TTLL7: variants seen among roughly 807,000 people sequenced by gnomAD.
TTLL7 encodes tubulin polyglutamylase TTLL7.
TTLL7 carries 53 observed loss-of-function variants against 120.2 expected under a neutral mutation model. The observed-to-expected ratio is 0.44, with a 90% CI of 0.35 to 0.55. The LOEUF (loss-of-function observed/expected upper bound fraction) is 0.55, where lower values mean the gene tolerates loss of function less well. Among genes scored for constraint, TTLL7 ranks in the 20% least tolerant of loss-of-function variants. The probability of loss-of-function intolerance (pLI) is 0.00; values close to 1 mark genes in which losing one functional copy is unlikely to be tolerated. For missense variants in TTLL7, 803 were observed against 1,054.7 expected (o/e 0.76, Z 3.31); for synonymous variants, 353 against 351.7 (o/e 1.00, Z -0.04).
chr1:83,960,020 T>C (rs1268951958), intron 1 of TTLL7, among the ~76,000 whole-genome samples: 1 of 152,166 alleles, frequency 6.6e-6, no homozygotes, highest in Non-Finnish European at 1.5e-5. Context: ...AATAGGCAGT[T>C]CTACAGAGAG....
At chr1:83,997,414 T>C (rs1007318416) in intron 1 of TTLL7, among the ~76,000 whole-genome samples, 2 of 152,182 alleles carry the variant, frequency 1.3e-5, no homozygotes, top group Non-Finnish European at 2.9e-5. Context: ...AGAAGGAGCA[T>C]AGAAGGTCAA....
At chr1:83,892,449 TGAAC>T (rs1655664913) in intron 18 of TTLL7, among the ~76,000 whole-genome samples, 1 of 129,912 alleles carries the variant, frequency 7.7e-6, no homozygotes, top group Non-Finnish European at 1.6e-5. Context: ...AACATATGAA[TGAAC>T]ATATATGAAC....
At chr1:83,944,566 G>A (rs543702502) in intron 6 of TTLL7, among the ~76,000 whole-genome samples, 1 of 152,210 alleles carries the variant, frequency 6.6e-6, no homozygotes, top group East Asian at 1.9e-4. Flanking sequence ...AAGTTAGCCA[G>A]GCATGGTGGC....
chr1:83,920,176 CACAA>C (rs746843490), intron 12 of TTLL7, among the ~76,000 whole-genome samples: 1 of 151,964 alleles, frequency 6.6e-6, no homozygotes, highest in Non-Finnish European at 1.5e-5. Context: ...GGCACAAATC[CACAA>C]ACAAAGTTTA....
intron 18 of TTLL7, among the ~76,000 whole-genome samples, chr1:83,895,442 C>T (rs1196337449): frequency 6.6e-6 from 1 of 152,036 alleles, no homozygotes; most frequent in Non-Finnish European, 1.5e-5. Context: ...TACTATTGGT[C>T]CACAGTCCCT....
intron 1 of TTLL7, among the ~76,000 whole-genome samples, chr1:83,957,578 G>A (rs527427578): frequency 6.3e-4 from 96 of 152,168 alleles, no homozygotes; most frequent in African/African-American, 2.2e-3. Flanking sequence ...GAAAATGTAG[G>A]CTCCAAGGTT....
intron 1 of TTLL7, among the ~76,000 whole-genome samples, chr1:83,992,226 C>T (rs1400853820): frequency 6.6e-6 from 1 of 152,062 alleles, no homozygotes; most frequent in East Asian, 1.9e-4. Context: ...ACTGATCCCT[C>T]CCTTTCAAAT....
intron 6 of TTLL7, 93 bp downstream of exon 6, chr1:83,947,031 T>C (rs978189136): frequency 1.4e-5 from 14 of 983,338 alleles, no homozygotes; most frequent in African/African-American, 1.2e-4. Context: ...TTTTTTCATA[T>C]TGGTACTCAC....
intron 10 of TTLL7, among the ~76,000 whole-genome samples, chr1:83,922,435 G>C (rs10493741): frequency 0.49 from 74,978 of 151,904 alleles, 19,224 homozygotes; most frequent in Non-Finnish European, 0.57. Flanking sequence ...AATATGAGTC[G>C]AAGGCCCTAA....
intron 19 of TTLL7, among the ~76,000 whole-genome samples, chr1:83,884,705 G>A (rs1047121904): frequency 1.1e-4 from 14 of 128,584 alleles, no homozygotes; most frequent in African/African-American, 1.5e-4. Context: ...GGGGAACATC[G>A]CACTCTGGGG....
intron 18 of TTLL7, among the ~76,000 whole-genome samples, chr1:83,891,523 A>G (rs1279582777): frequency 2.0e-5 from 3 of 152,098 alleles, no homozygotes; most frequent in East Asian, 1.9e-4. Context: ...ATTATCTCCT[A>G]AAGTTGAAAA....
Position 83,911,205 on chromosome 1 carries a change from A to G in TTLL7, c.1746T>C (p.Asn582=), listed in dbSNP as rs1485809838. 1.2e-6 allele frequency: 2 copies of G among 1,613,016 alleles called. No homozygotes were observed. Among genetic ancestry groups the G allele is most frequent in the African/African-American group, 2.7e-5 (2 of 74,860 alleles). Residue 582 remains asparagine, a synonymous_variant, in exon 15 of 21, where the codon AAT becomes AAC. Coordinates refer to ENST00000260505, the MANE Select transcript of TTLL7 (RefSeq NM_024686.6). ...NKKREKQVTY[N]LKPSNHYKLI... ...ATTTGTAGTGGTTGGAGGGTTTAAG[A>G]TTATATGTAACTTGCTTTTCTCTTT...
chr1:83,983,551 T>G (rs1293567081), intron 1 of TTLL7, among the ~76,000 whole-genome samples: 1 of 152,058 alleles, frequency 6.6e-6, no homozygotes, highest in African/African-American at 2.4e-5. Context: ...TAGCAAACAC[T>G]GGCTTTGACA....
intron 6 of TTLL7, among the ~76,000 whole-genome samples, chr1:83,945,811 A>G (rs1028494278): frequency 6.6e-6 from 1 of 152,022 alleles, no homozygotes; most frequent in Non-Finnish European, 1.5e-5. Context: ...GTGAAAATCA[A>G]TTCTTTACCA....
chr1:83,954,622 A>T (rs1033799480), intron 1 of TTLL7, among the ~76,000 whole-genome samples: 10 of 152,322 alleles, frequency 6.6e-5, no homozygotes, highest in Non-Finnish European at 1.3e-4. Context: ...CCTGCTGTCC[A>T]GGCCACACCC....
At chr1:83,911,688 A>C (rs996366755) in intron 14 of TTLL7, among the ~76,000 whole-genome samples, 1 of 152,172 alleles carries the variant, frequency 6.6e-6, no homozygotes, top group African/African-American at 2.4e-5. Context: ...AAAAATAAGA[A>C]ATATAATCAG....
intron 1 of TTLL7, among the ~76,000 whole-genome samples, chr1:83,967,681 TC>T (rs1398181455): frequency 1.3e-5 from 2 of 152,014 alleles, no homozygotes; most frequent in Non-Finnish European, 2.9e-5. Context: ...ACTCTAAAAT[TC>T]TAAAATTTTT....
chr1:83,950,556 A>C (rs1648948697), intron 3 of TTLL7, among the ~76,000 whole-genome samples: 1 of 152,206 alleles, frequency 6.6e-6, no homozygotes, highest in Non-Finnish European at 1.5e-5. Context: ...GAAAACGTTT[A>C]TGCTCAGAGG....
At chr1:83,988,750 C>T (rs962479639) in intron 1 of TTLL7, among the ~76,000 whole-genome samples, 3 of 152,016 alleles carry the variant, frequency 2.0e-5, no homozygotes, top group South Asian at 4.1e-4. Flanking sequence ...CGCCCTGTCT[C>T]CAAGCTGGGG....
Sources: allele counts gnomAD v4.1 joint callset (sites outside exome capture counted in the v4.1 genomes callset), GRCh38; gene constraint gnomAD v4.1.1; transcripts MANE v1.5; gene names NCBI Gene and HGNC (gene_info 2026-07-23, HGNC 2026-07-21).